Variants in STK39 observed in about 807,000 individuals in gnomAD.
The protein encoded by STK39 is STE20/SPS1-related proline-alanine-rich protein kinase.
STK39 carries 20 observed loss-of-function variants against 77.8 expected under a neutral mutation model. The observed-to-expected ratio is 0.26, with a 90% CI of 0.18 to 0.37. STK39 has a LOEUF of 0.37. Ranked by LOEUF, STK39 falls within the 10% of genes least tolerant of loss-of-function variation. STK39 has a pLI of 1.00. For missense variants in STK39, 479 were observed against 656.5 expected (o/e 0.73, Z 2.95); for synonymous variants, 246 against 234.1 (o/e 1.05, Z -0.47).
chr2:167,962,391 A>T (rs74491512), intron 17 of STK39, among the ~76,000 whole-genome samples: 2,736 of 152,284 alleles, frequency 0.018, 89 homozygotes, highest in African/African-American at 0.063. Flanking sequence ...GTGGATCTCA[A>T]ACCGGCTGGC....
intron 12 of STK39, among the ~76,000 whole-genome samples, chr2:168,068,253 T>C (rs1349328048): frequency 6.6e-6 from 1 of 152,136 alleles, no homozygotes; most frequent in Non-Finnish European, 1.5e-5. Context: ...AACACCACCA[T>C]GGCAATAGAC....
At chr2:168,209,064 C>T (rs1404406868) in intron 1 of STK39, among the ~76,000 whole-genome samples, 1 of 152,170 alleles carries the variant, frequency 6.6e-6, no homozygotes, top group Admixed American at 6.5e-5. Flanking sequence ...ATCACATTCT[C>T]CACCTTCTTC....
chr2:168,231,780 G>A (rs1690461887), intron 1 of STK39: 1 of 199,442 alleles, frequency 5.0e-6, no homozygotes, highest in African/African-American at 2.3e-5. Flanking sequence ...GAAGGGAGAG[G>A]AGGGGTGGCA....
intron 10 of STK39, among the ~76,000 whole-genome samples, chr2:168,092,295 T>C (rs1686545376): frequency 6.6e-6 from 1 of 152,188 alleles, no homozygotes; most frequent in Non-Finnish European, 1.5e-5. Flanking sequence ...ACTGTAAAAA[T>C]GCTCCAGACA....
intron 10 of STK39, among the ~76,000 whole-genome samples, chr2:168,082,951 T>C (rs1686274964): frequency 6.6e-6 from 1 of 152,192 alleles, no homozygotes. Context: ...ACCAGGGGCA[T>C]GGTCATATAA....
intron 15 of STK39, among the ~76,000 whole-genome samples, chr2:168,013,112 T>C (rs1360837278): frequency 6.6e-6 from 1 of 152,176 alleles, no homozygotes; most frequent in East Asian, 1.9e-4. Context: ...ACAGCAAAGG[T>C]TGAATGGGTA....
chr2:168,159,313 A>G (rs527935870), intron 5 of STK39, among the ~76,000 whole-genome samples: 14 of 152,268 alleles, frequency 9.2e-5, no homozygotes, highest in Non-Finnish European at 1.3e-4. Flanking sequence ...AGGTAGCAAC[A>G]AAAAGGGACC....
Position 168,242,600 on chromosome 2 carries a change from G to C in STK39, c.208+4628C>G, listed in dbSNP as rs1179106823. ...ATATATATATATATATATATATAAA[G>C]AGGCCAGGCACAGTGGCTCACGCCT... On this transcript the variant is annotated intron_variant, in intron 1 of 17. Coordinates refer to ENST00000355999, the MANE Select transcript of STK39 (RefSeq NM_013233.3). Among the ~76,000 whole-genome samples, 11 of 118,278 alleles carry C rather than the reference G, an allele frequency of 9.3e-5. No homozygotes were observed. The Admixed American group carries it at 9.6e-4, about 10-fold the overall frequency. 77.6% of individuals were successfully genotyped at this position (118,278 alleles called of 152,430 possible). A position where few individuals can be genotyped will look rare whatever the true frequency, so the allele number is the denominator to read the frequency against.
intron 2 of STK39, among the ~76,000 whole-genome samples, chr2:168,175,034 T>C (rs1423774859): frequency 3.3e-5 from 5 of 152,146 alleles, no homozygotes; most frequent in Non-Finnish European, 2.9e-5. Flanking sequence ...CTGGATACTG[T>C]GTGCCATCTG....
At chr2:168,053,339 C>T (rs1268664149) in intron 14 of STK39, among the ~76,000 whole-genome samples, 1 of 152,024 alleles carries the variant, frequency 6.6e-6, no homozygotes, top group African/African-American at 2.4e-5. Flanking sequence ...TAGAAAACAA[C>T]ATATGTTGTT....
intron 16 of STK39, among the ~76,000 whole-genome samples, chr2:168,011,683 C>T (rs1684274675): frequency 6.6e-6 from 1 of 152,084 alleles, no homozygotes; most frequent in Non-Finnish European, 1.5e-5. Context: ...GTTGCTTGCT[C>T]CCATCAGCAG....
At chr2:168,035,541 A>C (rs899992497) in intron 14 of STK39, among the ~76,000 whole-genome samples, 5 of 152,346 alleles carry the variant, frequency 3.3e-5, no homozygotes, top group African/African-American at 1.2e-4. Context: ...CCATCTAGGA[A>C]GTAAGACATG....
At chr2:168,110,372 A>T (rs1687089979) in intron 10 of STK39, among the ~76,000 whole-genome samples, 1 of 152,168 alleles carries the variant, frequency 6.6e-6, no homozygotes, top group Non-Finnish European at 1.5e-5. Context: ...AGCTAGGACC[A>T]TAAGGATATG....
At chr2:167,992,579 T>C (rs562780795) in intron 16 of STK39, among the ~76,000 whole-genome samples, 24 of 152,332 alleles carry the variant, frequency 1.6e-4, no homozygotes, top group Admixed American at 1.5e-3. Flanking sequence ...CACTCAATTA[T>C]GAGTGCCTAC....
intron 5 of STK39, among the ~76,000 whole-genome samples, chr2:168,142,942 A>G (rs1053770488): frequency 9.2e-5 from 14 of 152,196 alleles, no homozygotes; most frequent in Non-Finnish European, 1.8e-4. Flanking sequence ...AAAAATTGGT[A>G]TATTATATTG....
rs1193029451 is a variant in STK39, at chr2:167,980,753, G to T, written c.1499-16027C>A. The stretch of plus-strand genomic sequence containing the variant: ...TACTTTACCTTCATTTCTTGTTGTT[G>T]TTTTTTTTTTTTTTTAAATGTGTAG... On this transcript the variant is annotated intron_variant, in intron 16 of 17. Coordinates refer to ENST00000355999, the MANE Select transcript of STK39 (RefSeq NM_013233.3). Among the ~76,000 whole-genome samples the T allele has an allele frequency of 7.7e-5, 11 of 141,940 alleles. No homozygotes were observed. In the East Asian group the frequency reaches 1.8e-3, roughly 23 times the overall value. 93.1% of individuals were successfully genotyped at this position (141,940 alleles called of 152,430 possible). A position where few individuals can be genotyped will look rare whatever the true frequency, so the allele number is the denominator to read the frequency against.
At chr2:168,088,727 T>C (rs1686436317) in intron 10 of STK39, among the ~76,000 whole-genome samples, 1 of 152,186 alleles carries the variant, frequency 6.6e-6, no homozygotes. Flanking sequence ...TACACATTTC[T>C]AGATATGTTC....
chr2:168,246,037 T>C (rs535094202), intron 1 of STK39, among the ~76,000 whole-genome samples: 1 of 152,322 alleles, frequency 6.6e-6, no homozygotes, highest in East Asian at 1.9e-4. Flanking sequence ...AAACACCTAG[T>C]GAAATTTTTA....
intron 8 of STK39, among the ~76,000 whole-genome samples, chr2:168,137,853 G>C (rs1687878456): frequency 6.6e-6 from 1 of 152,194 alleles, no homozygotes; most frequent in South Asian, 2.1e-4. Flanking sequence ...CAAGCACAGT[G>C]AATCTTGTTA....
Sources: allele counts gnomAD v4.1 joint callset (sites outside exome capture counted in the v4.1 genomes callset), GRCh38; gene constraint gnomAD v4.1.1; transcripts MANE v1.5; gene names NCBI Gene and HGNC (gene_info 2026-07-23, HGNC 2026-07-21).